Variants in DAB1 observed in about 807,000 individuals in gnomAD.
DAB1 encodes DAB adaptor protein 1.
A neutral mutation model predicts 64.6 loss-of-function variants in DAB1; 15 were observed. The observed-to-expected ratio is 0.23, with a 90% CI of 0.16 to 0.36. DAB1 has a LOEUF of 0.36. DAB1 is among the 10% of genes least tolerant of loss of function. DAB1 has a pLI of 1.00. For missense variants in DAB1, 596 were observed against 706.7 expected, an observed-to-expected ratio of 0.84 and a Z score of 1.78; for synonymous variants, 235 against 251.9, an observed-to-expected ratio of 0.93 and a Z score of 0.64.
At chr1:57,726,428 C>T (rs933795813) in intron 6 of DAB1, among the ~76,000 whole-genome samples, 1 of 152,082 alleles carries the variant, frequency 6.6e-6, no homozygotes, top group Admixed American at 6.5e-5. Flanking sequence ...TGGGATACAG[C>T]TAGGATGCAC....
At chr1:57,809,811 AC>A (rs939369201) in intron 6 of DAB1, among the ~76,000 whole-genome samples, 7 of 152,020 alleles carry the variant, frequency 4.6e-5, no homozygotes, top group Admixed American at 3.3e-4. Context: ...AATTAACCTG[AC>A]CTCTTACTCT....
intron 1 of DAB1, among the ~76,000 whole-genome samples, chr1:57,838,071 C>T: frequency 6.6e-6 from 1 of 152,034 alleles, no homozygotes; most frequent in Non-Finnish European, 1.5e-5. Context: ...TGTCACATAT[C>T]TGGGTTTGAA....
At chr1:57,317,436 T>C (rs908178698) in intron 1 of DAB1, among the ~76,000 whole-genome samples, 1 of 151,654 alleles carries the variant, frequency 6.6e-6, no homozygotes, top group African/African-American at 2.4e-5. Context: ...TAATACGTGT[T>C]CTTAAAACAC....
intron 3 of DAB1, among the ~76,000 whole-genome samples, chr1:58,358,901 CTCTG>C (rs1433352576): frequency 2.3e-5 from 3 of 129,592 alleles, no homozygotes; most frequent in East Asian, 2.8e-4. Flanking sequence ...TTCTGCCTCT[CTCTG>C]TCTCTCTCCC....
At chr1:57,615,430 A>G (rs956554643) in intron 7 of DAB1, among the ~76,000 whole-genome samples, 1 of 152,196 alleles carries the variant, frequency 6.6e-6, no homozygotes, top group Non-Finnish European at 1.5e-5. Context: ...ACAGAGCAGG[A>G]AGCTGGAAGG....
intron 2 of DAB1, among the ~76,000 whole-genome samples, chr1:57,173,354 G>A (rs192387210): frequency 9.1e-4 from 139 of 152,312 alleles, no homozygotes; most frequent in Admixed American, 2.2e-3. Context: ...CTGAACTCAT[G>A]TGATGGGTCG....
In DAB1 at chr1:57,071,530, C is replaced by T; in HGVS notation, c.550G>A (p.Val184Met). ...TAAATTCACAGGTATACCTGGTACACAGCTTGTTCACACTGCTTATCCTTT... is the reference window on the plus strand; with the variant it reads ...TAAATTCACAGGTATACCTGGTACATAGCTTGTTCACACTGCTTATCCTTT... The part of the protein sequence containing the change: ...AQKDKQCEQA[V>M]YQTILEEDVE... The change falls in exon 6 of 15, where the codon GTG becomes ATG. Residue 184 changes from valine (V) to methionine (M), a missense_variant. Transcript: ENST00000371236. 6.2e-7 allele frequency: 1 copy of T among 1,613,454 alleles called. No individual in the cohort carries two copies. Among genetic ancestry groups the T allele is most frequent in the Non-Finnish European group, 8.5e-7 (1 of 1,179,822 alleles).
chr1:57,948,756 T>C (rs570567764), intron 5 of DAB1, among the ~76,000 whole-genome samples: 6 of 152,264 alleles, frequency 3.9e-5, no homozygotes, highest in South Asian at 2.1e-4. Flanking sequence ...ATTAGAACAA[T>C]GTAAATCTGA....
chr1:57,095,167 C>A (rs1654044485), intron 4 of DAB1, among the ~76,000 whole-genome samples: 1 of 152,142 alleles, frequency 6.6e-6, no homozygotes, highest in Admixed American at 6.5e-5. Flanking sequence ...CACAGCAAGG[C>A]CACAGGACAG....
intron 6 of DAB1, among the ~76,000 whole-genome samples, chr1:57,706,924 A>G (rs536366666): frequency 6.6e-6 from 1 of 151,934 alleles, no homozygotes; most frequent in East Asian, 1.9e-4. Flanking sequence ...AATACAAAAA[A>G]TTAGCCGGGC....
chr1:58,431,578 A>G (rs1644873989), intron 3 of DAB1, among the ~76,000 whole-genome samples: 1 of 148,626 alleles, frequency 6.7e-6, no homozygotes, highest in Non-Finnish European at 1.5e-5. Context: ...AAAAAAAAAA[A>G]GGGAGAAGAA....
chr1:58,544,534 G>A (rs7550981), intron 1 of DAB1, among the ~76,000 whole-genome samples: 148,985 of 152,338 alleles, frequency 0.98, 72,938 homozygotes, highest in East Asian at 1. Flanking sequence ...AAATTTCTAC[G>A]GGATGTATTA....
At chr1:57,836,420 G>A (rs934728638) in intron 1 of DAB1, among the ~76,000 whole-genome samples, 7 of 152,126 alleles carry the variant, frequency 4.6e-5, no homozygotes, top group South Asian at 2.1e-4. Flanking sequence ...TAAGCCACTC[G>A]TCATCCTATC....
At chr1:57,435,049 T>TC (rs1685644364) in intron 7 of DAB1, among the ~76,000 whole-genome samples, 2 of 101,784 alleles carry the variant, frequency 2.0e-5, no homozygotes, top group African/African-American at 8.1e-5. Flanking sequence ...TTTTTTTCTT[T>TC]TTTTTTTTTT....
intron 7 of DAB1, among the ~76,000 whole-genome samples, chr1:57,484,151 G>A (rs1570562927): frequency 6.6e-6 from 1 of 152,134 alleles, no homozygotes; most frequent in Non-Finnish European, 1.5e-5. Context: ...CCAGAGGTAG[G>A]AATGAGCATC....
intron 5 of DAB1, among the ~76,000 whole-genome samples, chr1:58,046,608 T>C (rs546060134): frequency 1.3e-5 from 2 of 152,338 alleles, no homozygotes; most frequent in East Asian, 3.9e-4. Flanking sequence ...CCACATTAGT[T>C]TCAAGGTACT....
rs139951906 is a variant in DAB1 at position 57,774,140 on chromosome 1, A to G, written n.551+109859T>C. The stretch of plus-strand genomic sequence containing the variant: ...GTTTTCTAATTCAGCATTATGGTAA[A>G]GCTTCCCATTTATTCAAATCTTAAA... On this transcript the variant is annotated intron_variant and non_coding_transcript_variant, in intron 6 of 20. Coordinates refer to the DAB1 transcript ENST00000485760. Among the ~76,000 whole-genome samples the G allele has an allele frequency of 3.5e-3, 528 of 151,966 alleles. 1 individual carries two copies. The highest frequency in any genetic ancestry group is 0.012 in the African/African-American group (494 of 41,532).
intron 7 of DAB1, among the ~76,000 whole-genome samples, chr1:57,610,128 G>A (rs576921311): frequency 6.6e-6 from 1 of 152,232 alleles, no homozygotes; most frequent in South Asian, 2.1e-4. Flanking sequence ...CTTCCATACT[G>A]AAGACTCTGC....
chr1:57,697,422 TAAAAAAAAA>T (rs56655539), intron 6 of DAB1, among the ~76,000 whole-genome samples: 1 of 57,870 alleles, frequency 1.7e-5, no homozygotes, highest in East Asian at 6.0e-4. Flanking sequence ...CTCACGTTTC[TAAAAAAAAA>T]AAAAAAAAAA....
Sources: gnomAD v4.1 joint callset for allele counts (sites outside exome capture counted in the v4.1 genomes callset) on GRCh38, gnomAD v4.1.1 for gene constraint, MANE v1.5 for transcripts, NCBI Gene and HGNC (gene_info 2026-07-23, HGNC 2026-07-21) for gene names.